The following NRG3 variants were observed in gnomAD, a reference collection of about 807,000 sequenced individuals.
The protein encoded by NRG3 is neuregulin 3.
Under a neutral mutation model 66.9 loss-of-function variants are expected in NRG3, and 31 were observed. The observed-to-expected ratio is 0.46, with a 90% CI of 0.35 to 0.63. The LOEUF is 0.63. Among genes scored for constraint, NRG3 ranks in the 20% least tolerant of loss-of-function variants. NRG3 has a pLI of 0.00. For synonymous variants in NRG3, 393 were observed against 359.4 expected (o/e 1.09, Z -1.06); for missense variants, 910 against 878.9 (o/e 1.04, Z -0.45).
intron 1 of NRG3, among the ~76,000 whole-genome samples, chr10:82,255,572 C>A (rs752978229): frequency 1.8e-4 from 28 of 152,150 alleles, no homozygotes; most frequent in South Asian, 2.1e-4. Flanking sequence ...CTCAATTTTT[C>A]TGTAAATCTT....
chr10:82,312,702 A>G (rs536722254), intron 1 of NRG3, among the ~76,000 whole-genome samples: 4 of 152,350 alleles, frequency 2.6e-5, no homozygotes, highest in South Asian at 2.1e-4. Flanking sequence ...AAGATCAAAA[A>G]CGAAAAAGAA....
intron 1 of NRG3, among the ~76,000 whole-genome samples, chr10:81,962,905 A>G (rs1375921364): frequency 1.3e-5 from 2 of 152,142 alleles, no homozygotes; most frequent in Non-Finnish European, 2.9e-5. Context: ...GGCTTTCACG[A>G]GGTAGGTAGT....
chr10:82,495,943 G>T (rs1843590292), intron 2 of NRG3, among the ~76,000 whole-genome samples: 1 of 151,998 alleles, frequency 6.6e-6, no homozygotes, highest in African/African-American at 2.4e-5. Flanking sequence ...GGACTATTTT[G>T]AAGGCTCCAG....
chr10:81,961,542 T>C (rs1850367219), intron 1 of NRG3, among the ~76,000 whole-genome samples: 1 of 152,248 alleles, frequency 6.6e-6, no homozygotes. Flanking sequence ...CTCAATTTCC[T>C]TTATTTTTGT....
intron 3 of NRG3, among the ~76,000 whole-genome samples, chr10:82,741,184 C>T (rs2058407575): frequency 6.6e-6 from 1 of 152,076 alleles, no homozygotes; most frequent in African/African-American, 2.4e-5. Flanking sequence ...TTTAGGTAAT[C>T]ATTAATTCAT....
chr10:82,333,382 A>G (rs2049302946), intron 1 of NRG3, among the ~76,000 whole-genome samples: 1 of 152,236 alleles, frequency 6.6e-6, no homozygotes, highest in Non-Finnish European at 1.5e-5. Flanking sequence ...ACTGGGGAAA[A>G]GTACACAGCT....
chr10:82,412,735 G>C (rs2088197582), intron 2 of NRG3, among the ~76,000 whole-genome samples: 1 of 152,056 alleles, frequency 6.6e-6, no homozygotes, highest in African/African-American at 2.4e-5. Flanking sequence ...CTCAACTACT[G>C]CCACTACTTT....
intron 1 of NRG3, among the ~76,000 whole-genome samples, chr10:82,018,261 T>TTC (rs1300146119): frequency 1.3e-5 from 2 of 152,198 alleles, no homozygotes; most frequent in Non-Finnish European, 2.9e-5. Context: ...GTGGTATTGT[T>TTC]TCTGAGGGCT....
Position 82,078,139 on chromosome 10 carries a change from A to G in NRG3, c.823+201976A>G, listed in dbSNP as rs117597708. On this transcript the variant is annotated intron_variant, in intron 1 of 8. Transcript: ENST00000372141. ...AATTAAAAAAAAATTTTTTTTAATT[A>G]TTCTATTTACCTACTCTTGTTATGT... Among the ~76,000 whole-genome samples the G allele has an allele frequency of 8.1e-3, 1,226 of 152,246 alleles. 6 individuals are homozygous for G. The highest frequency in any genetic ancestry group is 0.013 in the Non-Finnish European group (908 of 68,002).
rs73310894 is a variant in NRG3, at chr10:82,395,140, A to C, written c.953+36272A>C. On this transcript the variant is annotated intron_variant, in intron 2 of 8. Transcript: ENST00000372141. ...AACGTATGCCAGATAGCTGCTGCCA[A>C]TTCATTGAAATGAGACCCTCAAAGT... is the stretch of plus-strand genomic sequence containing the variant. 5.7e-3 allele frequency among the ~76,000 whole-genome samples: 865 copies of C among 152,300 alleles called. 8 individuals are homozygous for C. The highest frequency in any genetic ancestry group is 0.02 in the African/African-American group (840 of 41,562).
At chr10:82,132,865 T>A (rs560246097) in intron 1 of NRG3, among the ~76,000 whole-genome samples, 98 of 151,856 alleles carry the variant, frequency 6.5e-4, no homozygotes, top group Non-Finnish European at 9.9e-4. Context: ...TGACATATAT[T>A]TGCTCATATT....
At chr10:82,535,049 G>T (rs1847677013) in intron 2 of NRG3, among the ~76,000 whole-genome samples, 1 of 150,846 alleles carries the variant, frequency 6.6e-6, no homozygotes. Flanking sequence ...CAGCTACTCT[G>T]GAGGCTTAGG....
chr10:82,485,649 A>T (rs979773713), intron 2 of NRG3, among the ~76,000 whole-genome samples: 2 of 151,978 alleles, frequency 1.3e-5, no homozygotes, highest in African/African-American at 4.8e-5. Context: ...AAATATTGGG[A>T]AAATGTCTGG....
In NRG3 at chr10:81,921,546, A is replaced by G. The variant is rs895477189; in HGVS notation, c.823+45383A>G. On this transcript the variant is annotated intron_variant, in intron 1 of 8. Transcript: ENST00000372141. Reference sequence around the variant, plus strand: ...ATTCCAATTATTGAAATATCTATCTATCTGTCTACATTTATGCCTACTATG... The same window carrying G: ...ATTCCAATTATTGAAATATCTATCTGTCTGTCTACATTTATGCCTACTATG... 5.9e-5 allele frequency among the ~76,000 whole-genome samples: 9 copies of G among 152,076 alleles called. 1 individual carries two copies. Among genetic ancestry groups the G allele is most frequent in the African/African-American group, 1.9e-4 (8 of 41,438 alleles).
chr10:82,081,425 C>T (rs541812293), intron 1 of NRG3, among the ~76,000 whole-genome samples: 1 of 151,980 alleles, frequency 6.6e-6, no homozygotes, highest in Non-Finnish European at 1.5e-5. Flanking sequence ...CCTAAAAATG[C>T]AGAAATATCA....
chr10:82,771,828 T>A (rs114536045), intron 3 of NRG3, among the ~76,000 whole-genome samples: 3,317 of 152,224 alleles, frequency 0.022, 130 homozygotes, highest in African/African-American at 0.075. Context: ...TTCCTCCCAA[T>A]TCTGTTTCCT....
intron 1 of NRG3, among the ~76,000 whole-genome samples, chr10:82,204,936 G>C (rs966478618): frequency 7.2e-5 from 11 of 152,180 alleles, no homozygotes; most frequent in Admixed American, 4.6e-4. Context: ...AAACATGGAA[G>C]ACATTGCTGC....
intron 3 of NRG3, among the ~76,000 whole-genome samples, chr10:82,768,430 C>T (rs2135145434): frequency 6.6e-6 from 1 of 152,122 alleles, no homozygotes; most frequent in South Asian, 2.1e-4. Flanking sequence ...TCGTAGTGAC[C>T]TATTTTTTTA....
intron 2 of NRG3, among the ~76,000 whole-genome samples, chr10:82,372,725 C>T (rs2084963894): frequency 6.6e-6 from 1 of 152,160 alleles, no homozygotes; most frequent in South Asian, 2.1e-4. Flanking sequence ...TCCCACCTAG[C>T]TGAGATTACA....
Sources: gnomAD v4.1 joint callset for allele counts (sites outside exome capture counted in the v4.1 genomes callset) on GRCh38, gnomAD v4.1.1 for gene constraint, MANE v1.5 for transcripts, NCBI Gene and HGNC (gene_info 2026-07-23, HGNC 2026-07-21) for gene names.